The following SUPT16H variants were observed in gnomAD, a reference collection of about 807,000 sequenced individuals.
The protein encoded by SUPT16H is SPT16 homolog, facilitates chromatin remodeling subunit.
A neutral mutation model predicts 136.2 loss-of-function variants in SUPT16H; 24 were observed. The observed-to-expected ratio is 0.18, with a 90% CI of 0.13 to 0.25. The LOEUF (loss-of-function observed/expected upper bound fraction) is 0.25. Ranked by LOEUF, SUPT16H falls within the 10% of genes least tolerant of loss-of-function variation. The pLI is 1.00. For synonymous variants in SUPT16H, 415 were observed against 428.2 expected (o/e 0.97, Z 0.38); for missense variants, 623 against 1,270.2 (o/e 0.49, Z 7.74).
At position 21,375,370 on chromosome 14, in the gene SUPT16H, CAT is replaced by C. The variant is rs202025168; in HGVS notation, c.67-1942_67-1941del. Among the ~76,000 whole-genome samples, 907 of 152,266 alleles carry C rather than the reference CAT, an allele frequency of 6.0e-3. 11 individuals carry two copies. The highest frequency in any genetic ancestry group is 0.021 in the African/African-American group (873 of 41,540). On this transcript the variant is annotated intron_variant, in intron 1 of 25. Transcript: ENST00000216297. ...TAGCTAATGACGCTGAGCATCATTT[CAT>C]ATGTTTACTGACAACTGTATGCCTC...
At chr14:21,366,167 T>A (rs550719198) in intron 8 of SUPT16H, among the ~76,000 whole-genome samples, 1 of 152,300 alleles carries the variant, frequency 6.6e-6, no homozygotes, top group South Asian at 2.1e-4. Flanking sequence ...AGATATAGTA[T>A]GTATTGATAA....
chr14:21,362,588 A>C (rs1485449144), intron 14 of SUPT16H, among the ~76,000 whole-genome samples: 2 of 152,226 alleles, frequency 1.3e-5, no homozygotes, highest in African/African-American at 4.8e-5. Flanking sequence ...TAGGCAAATT[A>C]TGTTTCTAGA....
In SUPT16H at chr14:21,366,452, T is replaced by C; in HGVS notation, c.1033A>G (p.Thr345Ala). ...KQKPELLNKITKNLGFGMGIE... is the reference protein window; with the variant it reads ...KQKPELLNKIAKNLGFGMGIE... Reference sequence around the variant, plus strand: ...ATCATGGCATACCCTAGGTTTTTGGTAATTTTGTTCAGCAGTTCTGGCTTC... The same window carrying C: ...ATCATGGCATACCCTAGGTTTTTGGCAATTTTGTTCAGCAGTTCTGGCTTC... The change falls in exon 8 of 26, where the codon ACC becomes GCC. Residue 345 changes from threonine (T) to alanine (A), a missense_variant. Physicochemically the swap from Thr to Ala is moderately conservative, Grantham distance 58. Coordinates refer to ENST00000216297, the MANE Select transcript of SUPT16H (RefSeq NM_007192.4). 1 of 1,614,124 alleles carries C rather than the reference T, an allele frequency of 6.2e-7. No individual in the cohort carries two copies. Among genetic ancestry groups the C allele is most frequent in the Non-Finnish European group, 8.5e-7 (1 of 1,180,010 alleles).
intron 23 of SUPT16H, 88 bp downstream of exon 23, chr14:21,354,323 C>T: frequency 6.7e-7 from 1 of 1,483,232 alleles, no homozygotes; most frequent in Non-Finnish European, 9.0e-7. Flanking sequence ...TGGCCTAGTC[C>T]CTTATGTACT....
At chr14:21,355,764 A>G (rs1270019268) in intron 22 of SUPT16H, among the ~76,000 whole-genome samples, 1 of 152,114 alleles carries the variant, frequency 6.6e-6, no homozygotes, top group Admixed American at 6.6e-5. Context: ...GAAAAAAATC[A>G]AAGAAATGAC....
intron 10 of SUPT16H, among the ~76,000 whole-genome samples, chr14:21,364,360 G>A (rs1008879446): frequency 6.6e-6 from 1 of 152,048 alleles, no homozygotes; most frequent in African/African-American, 2.4e-5. Flanking sequence ...AAGAACCAGT[G>A]GGGGAAGGGA....
chr14:21,353,600 C>G, intron 24 of SUPT16H, 35 bp from the exon 25 acceptor site: 3 of 1,609,792 alleles, frequency 1.9e-6, no homozygotes, highest in Non-Finnish European at 2.5e-6. Context: ...AGTCATCATG[C>G]GGGAACAGAA....
chr14:21,363,381 T>C, intron 11 of SUPT16H, 53 bp from the exon 12 acceptor site: 1 of 1,605,888 alleles, frequency 6.2e-7, no homozygotes, highest in Admixed American at 1.7e-5. Flanking sequence ...TTAGCCAATA[T>C]TATTTAACTT....
intron 1 of SUPT16H, chr14:21,383,403 T>C: frequency 2.0e-6 from 1 of 499,854 alleles, no homozygotes. Context: ...CGATAAACGC[T>C]AAAAGCCCGA....
intron 14 of SUPT16H, 44 bp from the exon 15 acceptor site, chr14:21,362,368 A>G (rs1175087817): frequency 1.9e-6 from 3 of 1,581,294 alleles, no homozygotes; most frequent in Admixed American, 1.8e-5. Flanking sequence ...TTTCTTTCCT[A>G]GAGATTAGTA....
At chr14:21,370,574 T>C (rs1337314253) in intron 3 of SUPT16H, 86 bp from the exon 4 acceptor site, 4 of 1,425,826 alleles carry the variant, frequency 2.8e-6, no homozygotes, top group East Asian at 4.6e-5. Context: ...AATAATATTC[T>C]AAACTACGGA....
intron 10 of SUPT16H, among the ~76,000 whole-genome samples, chr14:21,363,755 T>G (rs1279296877): frequency 6.6e-6 from 1 of 152,192 alleles, no homozygotes; most frequent in African/African-American, 2.4e-5. Flanking sequence ...CTCAGCTCAC[T>G]GCAACCTCCG....
intron 6 of SUPT16H, 138 bp downstream of exon 6, chr14:21,369,066 A>AGATAAT: frequency 1.1e-6 from 1 of 927,290 alleles, no homozygotes; most frequent in Non-Finnish European, 1.6e-6. Flanking sequence ...TGGACACCCA[A>AGATAAT]GATAATGACT....
chr14:21,360,214 GA>G (rs1201605331), intron 18 of SUPT16H, among the ~76,000 whole-genome samples, 200 bp downstream of exon 18: 2 of 152,126 alleles, frequency 1.3e-5, no homozygotes, highest in Non-Finnish European at 2.9e-5. Context: ...TTTTAGTAGA[GA>G]CGGGGTTTCA....
In SUPT16H at chr14:21,366,508, T is replaced by C. The variant is rs769398370; in HGVS notation, c.977A>G (p.Tyr326Cys). 1.2e-6 allele frequency: 2 copies of C among 1,614,130 alleles called. No individual in the cohort carries two copies. The highest frequency in any genetic ancestry group is 1.7e-6 in the Non-Finnish European group (2 of 1,180,022). ...TTTAACCACGTCCATGACAGCGTTA[T>C]ACACGTCACATATCTTCACACCTAA... ...LRHGVKICDV[Y>C]NAVMDVVKKQ... is the part of the protein sequence containing the mutation. Residue 326 changes from tyrosine (Y) to cysteine (C), a missense_variant, in exon 8 of 26, where the codon TAT becomes TGT. Physicochemically the swap from Tyr to Cys is radical, Grantham distance 194. Around this residue, in one of 7 missense-constraint regions of SUPT16H, gnomAD observed 343 missense variants for 525.7 expected, o/e 0.65. Coordinates refer to ENST00000216297, the MANE Select transcript of SUPT16H (RefSeq NM_007192.4).
At chr14:21,372,755 GTTAC>G in intron 2 of SUPT16H, 1 of 416,448 alleles carries the variant, frequency 2.4e-6, no homozygotes, top group Non-Finnish European at 4.7e-6. Flanking sequence ...TTAACTCACT[GTTAC>G]TTAGGTTTTT....
chr14:21,381,403 T>C lies in SUPT16H; in HGVS notation c.66+2459A>G, dbSNP rs978623643. ...TTAAAAAAGGGAAGAAAAAGCTTAG[T>C]AGCCTATCAGTTCTCTACAACCCTG... On this transcript the variant is annotated intron_variant, in intron 1 of 25. Coordinates refer to ENST00000216297, the MANE Select transcript of SUPT16H (RefSeq NM_007192.4). 2.0e-5 allele frequency among the ~76,000 whole-genome samples: 3 copies of C among 152,182 alleles called. No individual in the cohort carries two copies. The South Asian group carries it at 6.2e-4, about 32-fold the overall frequency.
rs1040463731 is a variant in SUPT16H at position 21,365,337 on chromosome 14, C to T, written c.1047-194G>A. 2.0e-5 allele frequency among the ~76,000 whole-genome samples: 3 copies of T among 152,210 alleles called. No individual in the cohort carries two copies. In the South Asian group the frequency reaches 6.2e-4, roughly 32 times the overall value. On this transcript the variant is annotated intron_variant, in intron 8 of 25. Coordinates refer to ENST00000216297, the MANE Select transcript of SUPT16H (RefSeq NM_007192.4). The stretch of plus-strand genomic sequence containing the variant: ...CTAAACATGCTGTATAATCCCATGG[C>T]GAAAAATAATTTCCTAATTGATTAT...
intron 22 of SUPT16H, among the ~76,000 whole-genome samples, chr14:21,355,631 T>G (rs188142792): frequency 1.3e-5 from 2 of 152,122 alleles, no homozygotes; most frequent in East Asian, 3.9e-4. Context: ...AAAATCTGTA[T>G]GAAGGTAGGA....
Sources: gnomAD v4.1 joint callset for allele counts (sites outside exome capture counted in the v4.1 genomes callset) on GRCh38, gnomAD v4.1.1 for gene constraint, gnomAD v4.1.1 regional missense constraint, MANE v1.5 for transcripts, NCBI Gene and HGNC (gene_info 2026-07-23, HGNC 2026-07-21) for gene names.